SDK1: variants seen among roughly 807,000 people sequenced by gnomAD.
SDK1 encodes the protein protein sidekick-1.
SDK1 carries 157 observed loss-of-function variants against 245.5 expected under a neutral mutation model. The observed-to-expected ratio is 0.64, with a 90% confidence interval of 0.56 to 0.73. The LOEUF is 0.73. Ranked by LOEUF, SDK1 falls within the 30% of genes least tolerant of loss-of-function variation. The pLI, the probability that SDK1 is intolerant of heterozygous loss-of-function variation, is 0.00. For missense variants in SDK1, 3,583 were observed against 3,002.3 expected (o/e 1.19, Z -4.52); for synonymous variants, 1,647 against 1,278.5 (o/e 1.29, Z -6.15).
chr7:4,057,117 C>T (rs1408876017), intron 19 of SDK1, among the ~76,000 whole-genome samples: 2 of 152,236 alleles, frequency 1.3e-5, no homozygotes, highest in African/African-American at 4.8e-5. Context: ...AGCACACCTC[C>T]CCAGCAGCAG....
At chr7:3,829,984 A>G (rs144376135) in intron 5 of SDK1, among the ~76,000 whole-genome samples, 23 of 152,322 alleles carry the variant, frequency 1.5e-4, no homozygotes, top group Non-Finnish European at 2.4e-4. Flanking sequence ...ATAAGTCACA[A>G]TTTCTGATAA....
chr7:3,586,058 G>A (rs775964906), intron 1 of SDK1, among the ~76,000 whole-genome samples: 2 of 152,148 alleles, frequency 1.3e-5, no homozygotes, highest in Non-Finnish European at 2.9e-5. Flanking sequence ...TAAAGGAAGA[G>A]GAATTGCCTT....
intron 5 of SDK1, among the ~76,000 whole-genome samples, chr7:3,938,982 A>G (rs185413821): frequency 3.0e-4 from 45 of 152,338 alleles, no homozygotes; most frequent in African/African-American, 9.9e-4. Context: ...TCAAACTGTC[A>G]TTTTATTTAT....
chr7:3,576,634 A>G (rs1780300900), intron 1 of SDK1, among the ~76,000 whole-genome samples: 1 of 151,754 alleles, frequency 6.6e-6, no homozygotes, highest in South Asian at 2.1e-4. Context: ...ATATTCTGTC[A>G]TTTTTCTCCA....
rs533649566 is a variant in SDK1, at chr7:4,230,619, A to G, written c.5828-2636A>G. 4.0e-5 allele frequency among the ~76,000 whole-genome samples: 6 copies of G among 151,832 alleles called. No homozygotes were observed. The South Asian group carries it at 1.3e-3, about 32-fold the overall frequency. On this transcript the variant is annotated intron_variant, in intron 40 of 44. Transcript: ENST00000404826. ...GATGGATGATTACTTAGGAAGATGG[A>G]TCATGGAAAGATGGACAGAAGGATG...
intron 2 of SDK1, among the ~76,000 whole-genome samples, chr7:3,623,351 G>A (rs950586156): frequency 2.0e-5 from 3 of 150,294 alleles, no homozygotes; most frequent in African/African-American, 4.9e-5. Flanking sequence ...GGTCTCAAGC[G>A]ATTGTCAGCC....
chr7:3,590,957 A>AT (rs1780851843), intron 1 of SDK1, among the ~76,000 whole-genome samples: 1 of 151,542 alleles, frequency 6.6e-6, no homozygotes, highest in African/African-American at 2.4e-5. Flanking sequence ...TAATTTTTGT[A>AT]TTTTTTGCAG....
intron 14 of SDK1, among the ~76,000 whole-genome samples, chr7:4,007,979 C>T (rs557745526): frequency 8.5e-5 from 13 of 152,154 alleles, no homozygotes; most frequent in Admixed American, 2.6e-4. Flanking sequence ...AACACATTCA[C>T]ACTGTTCTGC....
chr7:3,627,844 T>C (rs1782168066), intron 2 of SDK1, among the ~76,000 whole-genome samples: 2 of 152,194 alleles, frequency 1.3e-5, no homozygotes, highest in Admixed American at 1.3e-4. Flanking sequence ...AATCCACATA[T>C]TACACCCACC....
intron 4 of SDK1, among the ~76,000 whole-genome samples, chr7:3,743,142 C>T (rs752799161): frequency 8.5e-5 from 13 of 152,068 alleles, no homozygotes; most frequent in Admixed American, 1.3e-4. Flanking sequence ...GAGAGTAATA[C>T]GTAAGCAGAC....
intron 1 of SDK1, among the ~76,000 whole-genome samples, chr7:3,577,980 TTA>T (rs1204815980): frequency 6.6e-6 from 1 of 152,002 alleles, no homozygotes. Context: ...CTAGTGAAAT[TTA>T]TTCTTTCCAC....
chr7:3,644,824 T>C, intron 4 of SDK1, among the ~76,000 whole-genome samples: 1 of 102,842 alleles, frequency 9.7e-6, no homozygotes, highest in African/African-American at 4.0e-5. Flanking sequence ...GGGCAGGGGG[T>C]GGCAGGCAAG....
intron 32 of SDK1, among the ~76,000 whole-genome samples, chr7:4,167,104 A>G (rs1311570011): frequency 1.3e-5 from 2 of 152,136 alleles, no homozygotes; most frequent in African/African-American, 2.4e-5. Context: ...GGTCATTTGC[A>G]TTTAAACAGG....
At chr7:3,993,830 C>G (rs1784518689) in intron 14 of SDK1, among the ~76,000 whole-genome samples, 1 of 152,152 alleles carries the variant, frequency 6.6e-6, no homozygotes, top group Non-Finnish European at 1.5e-5. Flanking sequence ...CTCACGCATT[C>G]TATCTACTCT....
intron 1 of SDK1, among the ~76,000 whole-genome samples, chr7:3,357,339 T>G (rs1297004973): frequency 2.7e-4 from 5 of 18,498 alleles, no homozygotes; most frequent in Non-Finnish European, 3.9e-4. Context: ...TTTTTTTTTT[T>G]TTTTTTTTTT....
At chr7:3,441,402 A>G (rs140250019) in intron 1 of SDK1, among the ~76,000 whole-genome samples, 1 of 151,378 alleles carries the variant, frequency 6.6e-6, no homozygotes, top group African/African-American at 2.4e-5. Context: ...AAAAACAAAC[A>G]AAAAAAAACC....
At chr7:4,124,708 G>T (rs956760056) in intron 25 of SDK1, among the ~76,000 whole-genome samples, 4 of 152,210 alleles carry the variant, frequency 2.6e-5, no homozygotes, top group Admixed American at 2.0e-4. Flanking sequence ...AAATGTCATA[G>T]GTTGCATTAT....
chr7:3,741,869 T>G (rs920800579), intron 4 of SDK1, among the ~76,000 whole-genome samples: 6 of 151,992 alleles, frequency 3.9e-5, no homozygotes, highest in Non-Finnish European at 7.4e-5. Flanking sequence ...GACCTATCTT[T>G]GGATGCTCAT....
chr7:3,454,365 G>A (rs146666356), intron 1 of SDK1, among the ~76,000 whole-genome samples: 278 of 134,210 alleles, frequency 2.1e-3, no homozygotes, highest in Non-Finnish European at 3.8e-3. Context: ...AATGCATTTC[G>A]ATTTTTTCGT....
Sources: gnomAD v4.1 joint callset for allele counts (sites outside exome capture counted in the v4.1 genomes callset) on GRCh38, gnomAD v4.1.1 for gene constraint, MANE v1.5 for transcripts, NCBI Gene and HGNC (gene_info 2026-07-23, HGNC 2026-07-21) for gene names.